LMX1A: variants seen among roughly 807,000 people sequenced by gnomAD.
LMX1A encodes LIM homeobox transcription factor 1-alpha.
Under a neutral mutation model 49.1 loss-of-function variants are expected in LMX1A, and 15 were observed. The observed-to-expected ratio is 0.31, with a 90% CI of 0.20 to 0.47. LMX1A has a LOEUF of 0.47. Among genes scored for constraint, LMX1A ranks in the 20% least tolerant of loss-of-function variants. LMX1A has a pLI of 1.00. For synonymous variants in LMX1A, 167 were observed against 185.7 expected (o/e 0.90, Z 0.82); for missense variants, 372 against 475.8 (o/e 0.78, Z 2.03).
intron 4 of LMX1A, among the ~76,000 whole-genome samples, chr1:165,245,087 T>A (rs1652794761): frequency 6.6e-6 from 1 of 152,116 alleles, no homozygotes; most frequent in South Asian, 2.1e-4. Flanking sequence ...GATTCTTTTT[T>A]AAAAAATAAT....
At chr1:165,345,958 A>C (rs74910744) in intron 3 of LMX1A, among the ~76,000 whole-genome samples, 1,757 of 152,334 alleles carry the variant, frequency 0.012, 36 homozygotes, top group African/African-American at 0.041. Flanking sequence ...GATGAAATAG[A>C]GTTTAAGCAA....
At chr1:165,260,592 CT>C (rs1653403953) in intron 3 of LMX1A, among the ~76,000 whole-genome samples, 1 of 152,172 alleles carries the variant, frequency 6.6e-6, no homozygotes, top group African/African-American at 2.4e-5. Context: ...TCCAGCAGCA[CT>C]ATATTAGGAA....
At chr1:165,258,471 A>C (rs916006861) in intron 3 of LMX1A, among the ~76,000 whole-genome samples, 1 of 152,136 alleles carries the variant, frequency 6.6e-6, no homozygotes, top group African/African-American at 2.4e-5. Context: ...AGGATCTTCT[A>C]TAGGAGACAG....
At chr1:165,330,821 G>A (rs111770243) in intron 3 of LMX1A, among the ~76,000 whole-genome samples, 2 of 152,176 alleles carry the variant, frequency 1.3e-5, no homozygotes, top group African/African-American at 4.8e-5. Context: ...GAAAGACACA[G>A]AGAAGAGGAG....
chr1:165,350,173 C>A (rs1231656565), intron 3 of LMX1A, among the ~76,000 whole-genome samples: 6 of 80,212 alleles, frequency 7.5e-5, no homozygotes, highest in South Asian at 4.8e-4. Flanking sequence ...AAAGATCCAC[C>A]AAAAAAAAAA....
chr1:165,340,237 G>C (rs1437445284), intron 3 of LMX1A, among the ~76,000 whole-genome samples: 5 of 152,032 alleles, frequency 3.3e-5, no homozygotes, highest in East Asian at 3.9e-4. Context: ...CGAGTACATG[G>C]GACCACAGAC....
chr1:165,323,054 T>C (rs1292156641), intron 3 of LMX1A, among the ~76,000 whole-genome samples: 1 of 152,140 alleles, frequency 6.6e-6, no homozygotes, highest in African/African-American at 2.4e-5. Context: ...CCCTACCATG[T>C]AAAAAATCTC....
intron 4 of LMX1A, among the ~76,000 whole-genome samples, chr1:165,218,184 A>T (rs1193905364): frequency 6.6e-6 from 1 of 152,180 alleles, no homozygotes; most frequent in Non-Finnish European, 1.5e-5. Flanking sequence ...CTCCATCAAA[A>T]CTTACACATC....
At chr1:165,241,703 A>G (rs575239890) in intron 4 of LMX1A, among the ~76,000 whole-genome samples, 9 of 152,238 alleles carry the variant, frequency 5.9e-5, no homozygotes, top group Non-Finnish European at 1.0e-4. Context: ...AGAGTTGGGC[A>G]TTTTCTAGAA....
chr1:165,345,450 A>G (rs1265257426), intron 3 of LMX1A, among the ~76,000 whole-genome samples: 1 of 152,240 alleles, frequency 6.6e-6, no homozygotes, highest in Non-Finnish European at 1.5e-5. Flanking sequence ...ATTGCTAGCC[A>G]GGCTTCTGGC....
intron 3 of LMX1A, among the ~76,000 whole-genome samples, chr1:165,283,616 C>G (rs1293594206): frequency 6.6e-6 from 1 of 152,216 alleles, no homozygotes; most frequent in African/African-American, 2.4e-5. Context: ...CATCTGGTCA[C>G]TTTACCACAT....
intron 4 of LMX1A, among the ~76,000 whole-genome samples, chr1:165,225,926 C>G (rs16841290): frequency 6.6e-6 from 1 of 152,152 alleles, no homozygotes; most frequent in African/African-American, 2.4e-5. Context: ...CACATTCTTA[C>G]TTTCAGTCAA....
intron 3 of LMX1A, among the ~76,000 whole-genome samples, chr1:165,261,026 CA>C (rs1056605038): frequency 2.6e-5 from 4 of 152,134 alleles, no homozygotes; most frequent in African/African-American, 9.7e-5. Flanking sequence ...GCAAAACTGG[CA>C]TAACAGCAGA....
intron 3 of LMX1A, among the ~76,000 whole-genome samples, chr1:165,347,637 T>C (rs1656291282): frequency 6.6e-6 from 1 of 152,384 alleles, no homozygotes; most frequent in South Asian, 2.1e-4. Context: ...TTTTAAATCT[T>C]TCCCTGTGGA....
chr1:165,219,620 T>A (rs967066570), intron 4 of LMX1A, among the ~76,000 whole-genome samples: 5 of 152,206 alleles, frequency 3.3e-5, no homozygotes, highest in Admixed American at 3.3e-4. Context: ...AGGCAAAAAG[T>A]GCAGTTCTCT....
chr1:165,349,697 G>A lies in LMX1A; in HGVS notation c.263+3379C>T, dbSNP rs1031052488. On this transcript the variant is annotated intron_variant, in intron 3 of 8. Transcript: ENST00000342310. The stretch of plus-strand genomic sequence containing the variant: ...AGAAAAATACTTAATAAAACGTCCC[G>A]AAGTCTTCCGATGCATAGTTGTGTG... Among the ~76,000 whole-genome samples the A allele has an allele frequency of 3.9e-5, 6 of 152,058 alleles. No individual in the cohort carries two copies. The East Asian group carries it at 5.8e-4, about 15-fold the overall frequency.
chr1:165,328,015 T>G (rs1002821409), intron 3 of LMX1A, among the ~76,000 whole-genome samples: 10 of 152,224 alleles, frequency 6.6e-5, no homozygotes, highest in Admixed American at 6.5e-5. Flanking sequence ...TTGCATGACT[T>G]CACTCTGTCT....
chr1:165,343,501 C>G (rs1290318787), intron 3 of LMX1A, among the ~76,000 whole-genome samples: 1 of 152,046 alleles, frequency 6.6e-6, no homozygotes, highest in Non-Finnish European at 1.5e-5. Context: ...TTCTTTAATT[C>G]TCTCAATAAC....
intron 3 of LMX1A, among the ~76,000 whole-genome samples, chr1:165,324,720 A>T (rs1655517238): frequency 6.6e-6 from 1 of 152,194 alleles, no homozygotes; most frequent in Non-Finnish European, 1.5e-5. Context: ...CTCAAATTTC[A>T]TTATCCCATA....
Sources: allele counts gnomAD v4.1 joint callset (sites outside exome capture counted in the v4.1 genomes callset), GRCh38; gene constraint gnomAD v4.1.1; transcripts MANE v1.5; gene names NCBI Gene and HGNC (gene_info 2026-07-23, HGNC 2026-07-21).